HEXB: variants seen among roughly 807,000 people sequenced by gnomAD.
The protein encoded by HEXB is hexosaminidase subunit beta.
In HEXB, 51 loss-of-function variants were observed where a neutral mutation model predicts 71.2. The observed-to-expected ratio is 0.72, with a 90% CI of 0.57 to 0.90. HEXB has a LOEUF of 0.90. Among genes scored for constraint, HEXB ranks in the 40% least tolerant of loss-of-function variants. The pLI is 0.00. For missense variants in HEXB, 617 were observed against 677.0 expected, an observed-to-expected ratio of 0.91 and a Z score of 0.98; for synonymous variants, 266 against 249.3, an observed-to-expected ratio of 1.07 and a Z score of -0.63.
chr5:74,706,576 T>C (rs1749396816), intron 6 of HEXB, among the ~76,000 whole-genome samples: 2 of 151,994 alleles, frequency 1.3e-5, no homozygotes, highest in Non-Finnish European at 2.9e-5. Context: ...ACCGGGAAAA[T>C]CGGGTCACTC....
intron 2 of HEXB, among the ~76,000 whole-genome samples, chr5:74,692,334 CAAAA>C (rs916578254): frequency 3.8e-5 from 2 of 52,426 alleles, no homozygotes; most frequent in Non-Finnish European, 4.4e-5. Context: ...CCTGTCTCTA[CAAAA>C]AAAAAAAAAA....
At chr5:74,703,829 G>C (rs1463116941) in intron 5 of HEXB, among the ~76,000 whole-genome samples, 1 of 152,032 alleles carries the variant, frequency 6.6e-6, no homozygotes, top group Non-Finnish European at 1.5e-5. Flanking sequence ...CATGTGTCAC[G>C]ATGCCCAGCT....
At position 74,693,692 on chromosome 5, in the gene HEXB, G is replaced by A. The variant is rs1205668888; in HGVS notation, c.499G>A (p.Gly167Arg). The A allele has an allele frequency of 5.0e-6, 8 of 1,612,002 alleles. No individual in the cohort carries two copies. Among genetic ancestry groups the A allele is most frequent in the Non-Finnish European group, 6.8e-6 (8 of 1,178,048 alleles). Residue 167 changes from glycine to arginine, a missense_variant, in exon 3 of 14, where the codon GGA becomes AGA. By Grantham distance (125) the Gly-to-Arg change is moderately radical (BLOSUM62 -2). Coordinates refer to ENST00000261416, the MANE Select transcript of HEXB (RefSeq NM_000521.4). ...TGTCCTTAAGGCCAACAGAGTTTGG[G>A]GAGCATTACGAGGTAAGTTCCATGC... ...VAVLKANRVW[G>R]ALRGLETFSQ...
rs771973471 is a variant in HEXB, at chr5:74,685,429, TG to T, written c.171del (p.Trp57CysfsTer7). On this transcript the variant is annotated frameshift_variant, in exon 1 of 14. Transcript: ENST00000261416. LOFTEE classifies it high-confidence loss of function. ...CTCGGCCAAGCCGGGGCCGGCGCTG[TG>T]GCCCCTGCCGCTCTTGGTGAAGATG... is the stretch of plus-strand genomic sequence containing the variant. The part of the protein sequence containing the change: ...SVSAKPGPAL[W>X]PLPLLVKMTP... The T allele has an allele frequency of 8.7e-6, 14 of 1,604,314 alleles. No individual in the cohort carries two copies. The highest frequency in any genetic ancestry group is 1.2e-5 in the Non-Finnish European group (14 of 1,176,786).
In HEXB at chr5:74,718,834, G is replaced by C. The variant is rs753259431; in HGVS notation, c.1280G>C (p.Ser427Thr). Residue 427 changes from serine (S) to threonine (T), a missense_variant, in exon 11 of 14, where the codon AGC (serine) becomes ACC (threonine). By Grantham distance (58) the Ser-to-Thr change is moderately conservative. Coordinates refer to ENST00000261416, the MANE Select transcript of HEXB (RefSeq NM_000521.4). ...PGTIVEVWKD[S>T]AYPEELSRVT... ...ACAATAGTTGAAGTATGGAAAGACA[G>C]CGCATATCCTGAGGAACTCAGTAGA... The C allele has an allele frequency of 6.2e-7, 1 of 1,614,028 alleles. No individual in the cohort carries two copies. The highest frequency in any genetic ancestry group is 1.7e-5 in the Admixed American group (1 of 59,998).
At chr5:74,687,169 T>C (rs1169418544) in intron 1 of HEXB, among the ~76,000 whole-genome samples, 1 of 152,234 alleles carries the variant, frequency 6.6e-6, no homozygotes, top group South Asian at 2.1e-4. Flanking sequence ...ATAAAATGTG[T>C]TGGCCCTTAT....
chr5:74,706,873 C>T (rs1200109801), intron 6 of HEXB, among the ~76,000 whole-genome samples: 1 of 152,186 alleles, frequency 6.6e-6, no homozygotes, highest in Non-Finnish European at 1.5e-5. Context: ...GGGCAGGGCA[C>T]AGACAAACAA....
At chr5:74,717,181 T>C (rs746656957) in intron 9 of HEXB, among the ~76,000 whole-genome samples, 9 of 151,650 alleles carry the variant, frequency 5.9e-5, no homozygotes, top group Non-Finnish European at 1.2e-4. Flanking sequence ...ACTGTCTCAA[T>C]CAATCAATCA....
intron 1 of HEXB, among the ~76,000 whole-genome samples, chr5:74,646,634 C>G (rs563972498): frequency 6.7e-5 from 10 of 150,054 alleles, no homozygotes; most frequent in Non-Finnish European, 1.0e-4. Context: ...GTGGCATGAT[C>G]TCGGCTCACT....
At chr5:74,643,906 T>A (rs1325445577) in intron 1 of HEXB, among the ~76,000 whole-genome samples, 1 of 152,224 alleles carries the variant, frequency 6.6e-6, no homozygotes, top group Non-Finnish European at 1.5e-5. Flanking sequence ...CTTTGTTTTA[T>A]GAGGACACTT....
At chr5:74,715,443 A>T in intron 7 of HEXB, 67 bp from the exon 8 acceptor site, 1 of 1,080,356 alleles carries the variant, frequency 9.3e-7, no homozygotes, top group Non-Finnish European at 1.4e-6. Context: ...TAGTAAAATC[A>T]TGTGGAAAAC....
chr5:74,671,273 C>G (rs75813319), intron 1 of HEXB, among the ~76,000 whole-genome samples: 6,237 of 152,244 alleles, frequency 0.041, 427 homozygotes, highest in African/African-American at 0.14. Flanking sequence ...GTACTGGAAA[C>G]AACCCAAAGG....
chr5:74,665,952 T>G (rs1343593285), intron 1 of HEXB, among the ~76,000 whole-genome samples: 2 of 152,224 alleles, frequency 1.3e-5, no homozygotes, highest in East Asian at 3.8e-4. Flanking sequence ...ATAAAAAGCA[T>G]GAATAAACAT....
chr5:74,695,235 G>A (rs1580382616), intron 3 of HEXB, among the ~76,000 whole-genome samples: 1 of 106,856 alleles, frequency 9.4e-6, no homozygotes, highest in Non-Finnish European at 1.8e-5. Context: ...ACAGAATCTT[G>A]CTCTGTTGCC....
At chr5:74,643,497 G>A (rs1476287238) in intron 1 of HEXB, among the ~76,000 whole-genome samples, 1 of 152,184 alleles carries the variant, frequency 6.6e-6, no homozygotes, top group Non-Finnish European at 1.5e-5. Context: ...AAGACATTAG[G>A]CCAGTCCTGT....
rs1580353880 is a variant in HEXB at position 74,641,483 on chromosome 5, C to A, written c.-377+925C>A. The A allele has an allele frequency of 6.6e-6, 1 of 152,484 alleles. No individual in the cohort carries two copies. Among genetic ancestry groups the A allele is most frequent in the African/African-American group, 2.4e-5 (1 of 41,592 alleles). 9.4% of individuals were successfully genotyped at this position (152,484 alleles called of 1,614,324 possible). On this transcript the variant is annotated intron_variant, in intron 1 of 13. Coordinates refer to the HEXB transcript ENST00000511181. This position sits in a 1 kb window ranked among gnomAD's most constrained non-coding sequence, Gnocchi z 4.1. ...GCGCAGTCCTGCGGGGCGCGCACCA[C>A]GTGCTTTTCAGCCAATCGCCGCGGC...
In HEXB at chr5:74,687,827, C is replaced by T. The variant is rs1748907849; in HGVS notation, c.300-1501C>T. Reference sequence around the variant, plus strand: ...AGGGCCCTCAACACCTACATCCATTCCATTCTCTCATTGGTTAACTTCCAT... The same window carrying T: ...AGGGCCCTCAACACCTACATCCATTTCATTCTCTCATTGGTTAACTTCCAT... On this transcript the variant is annotated intron_variant, in intron 1 of 13. Coordinates refer to ENST00000261416, the MANE Select transcript of HEXB (RefSeq NM_000521.4). Among the ~76,000 whole-genome samples the T allele has an allele frequency of 2.0e-5, 3 of 152,118 alleles. No homozygotes were observed. The South Asian group carries it at 6.2e-4, about 32-fold the overall frequency.
intron 5 of HEXB, among the ~76,000 whole-genome samples, chr5:74,704,152 A>T (rs1385915984): frequency 6.6e-6 from 1 of 152,210 alleles, no homozygotes; most frequent in African/African-American, 2.4e-5. Flanking sequence ...GTTAAAAACC[A>T]TGAGTTTGTA....
intron 1 of HEXB, among the ~76,000 whole-genome samples, chr5:74,646,322 A>G (rs138436478): frequency 6.6e-6 from 1 of 152,222 alleles, no homozygotes; most frequent in Non-Finnish European, 1.5e-5. Flanking sequence ...TCAAACTCTT[A>G]TTTCCACATC....
Sources: allele counts gnomAD v4.1 joint callset (sites outside exome capture counted in the v4.1 genomes callset), GRCh38; gene constraint gnomAD v4.1.1; non-coding constraint Gnocchi (gnomAD v3.1); transcripts MANE v1.5; gene names NCBI Gene and HGNC (gene_info 2026-07-23, HGNC 2026-07-21).